GRIP1: variants seen among roughly 807,000 people sequenced by gnomAD.
GRIP1 encodes glutamate receptor interacting protein 1, also known as glutamate receptor-interacting protein 1.
Under a neutral mutation model 129.9 loss-of-function variants are expected in GRIP1, and 45 were observed. The observed-to-expected ratio is 0.35, with a 90% CI of 0.27 to 0.44. The LOEUF is 0.44. GRIP1 is among the 20% of genes least tolerant of loss of function. The probability of loss-of-function intolerance (pLI) is 1.00; values close to 1 mark genes in which losing one functional copy is unlikely to be tolerated. For synonymous variants in GRIP1, 530 were observed against 520.8 expected, an observed-to-expected ratio of 1.02 and a Z score of -0.24; for missense variants, 1,196 against 1,396.8, an observed-to-expected ratio of 0.86 and a Z score of 2.29.
At chr12:66,520,134 G>A (rs1200618054) in intron 5 of GRIP1, among the ~76,000 whole-genome samples, 4 of 152,140 alleles carry the variant, frequency 2.6e-5, no homozygotes, top group African/African-American at 9.7e-5. Context: ...AAACAGATAT[G>A]CTCCATCTGC....
intron 1 of GRIP1, among the ~76,000 whole-genome samples, chr12:67,042,643 A>G (rs2043197193): frequency 6.6e-6 from 1 of 152,184 alleles, no homozygotes; most frequent in Non-Finnish European, 1.5e-5. Flanking sequence ...TAATCTGCAG[A>G]AACAAAGCTC....
chr12:66,931,042 C>G (rs1393180630), intron 1 of GRIP1, among the ~76,000 whole-genome samples: 1 of 152,224 alleles, frequency 6.6e-6, no homozygotes, highest in Non-Finnish European at 1.5e-5. Flanking sequence ...TAGCTCTACA[C>G]TTTGTTCTGC....
chr12:66,706,539 T>C (rs1312232725), intron 1 of GRIP1, among the ~76,000 whole-genome samples: 2 of 152,112 alleles, frequency 1.3e-5, no homozygotes, highest in Admixed American at 1.3e-4. Flanking sequence ...GGAATATAAA[T>C]CATTCTACCA....
rs572772608 is a variant in GRIP1, at chr12:66,884,831, T to A, written c.58+184219A>T. Among the ~76,000 whole-genome samples, 37 of 152,292 alleles carry A rather than the reference T, an allele frequency of 2.4e-4. No homozygotes were observed. The East Asian group carries it at 6.8e-3, about 28-fold the overall frequency. ...AAATGCCATCTAAAATATATATAAT[T>A]CCTGGCAATTTTGTCTCAAAATTCT... On this transcript the variant is annotated intron_variant, in intron 1 of 1. Coordinates refer to the GRIP1 transcript ENST00000643019.
intron 5 of GRIP1, among the ~76,000 whole-genome samples, chr12:66,522,722 A>G (rs2092441048): frequency 6.6e-6 from 1 of 152,212 alleles, no homozygotes; most frequent in African/African-American, 2.4e-5. Flanking sequence ...CAGACGATCA[A>G]ACTACTCTGA....
chr12:66,790,927 G>A lies in GRIP1; in HGVS notation c.-420+13126C>T, dbSNP rs1306537353. On this transcript the variant is annotated intron_variant, in intron 1 of 4. Transcript: ENST00000538373. ...GAGGAAGGAGAAGGTATCAAAGAGA[G>A]GCTGGAGGACTGGAAAGAAGATGGG... Among the ~76,000 whole-genome samples, 4 of 152,250 alleles carry A rather than the reference G, an allele frequency of 2.6e-5. No homozygotes were observed. The East Asian group carries it at 7.7e-4, about 29-fold the overall frequency.
chr12:66,636,558 G>C (rs575622557), intron 1 of GRIP1, among the ~76,000 whole-genome samples: 1 of 152,186 alleles, frequency 6.6e-6, no homozygotes, highest in South Asian at 2.1e-4. Flanking sequence ...TTCATATGTT[G>C]AACCCTAACC....
intron 1 of GRIP1, among the ~76,000 whole-genome samples, chr12:66,918,151 G>A (rs1201219814): frequency 6.6e-6 from 1 of 151,934 alleles, no homozygotes; most frequent in East Asian, 1.9e-4. Flanking sequence ...TACAGTTTGA[G>A]TCCAAAAGCC....
intron 1 of GRIP1, among the ~76,000 whole-genome samples, chr12:67,046,652 A>C (rs1336261676): frequency 2.0e-5 from 3 of 152,190 alleles, no homozygotes; most frequent in Admixed American, 6.5e-5. Context: ...ATTCAAACCT[A>C]TTTTCAAGCA....
intron 1 of GRIP1, among the ~76,000 whole-genome samples, chr12:66,749,097 A>G (rs2136604478): frequency 6.6e-6 from 1 of 151,792 alleles, no homozygotes; most frequent in East Asian, 1.9e-4. Flanking sequence ...TTCCCATTCT[A>G]CTCTTCTTTT....
At chr12:66,571,406 G>C (rs752953394) in intron 2 of GRIP1, among the ~76,000 whole-genome samples, 1 of 152,054 alleles carries the variant, frequency 6.6e-6, no homozygotes. Flanking sequence ...AGTGATATAT[G>C]CACATATAAG....
At chr12:66,951,193 T>C (rs972633262) in intron 1 of GRIP1, among the ~76,000 whole-genome samples, 1 of 152,234 alleles carries the variant, frequency 6.6e-6, no homozygotes, top group Non-Finnish European at 1.5e-5. Context: ...TAATGAAGAC[T>C]CAACTATATT....
At chr12:66,586,163 T>C (rs2063625526) in intron 2 of GRIP1, among the ~76,000 whole-genome samples, 1 of 152,196 alleles carries the variant, frequency 6.6e-6, no homozygotes, top group Admixed American at 6.5e-5. Context: ...AGTCCTATTC[T>C]CACCTCCACC....
intron 1 of GRIP1, among the ~76,000 whole-genome samples, chr12:67,015,243 A>C (rs2135726654): frequency 6.6e-6 from 1 of 152,318 alleles, no homozygotes; most frequent in Non-Finnish European, 1.5e-5. Flanking sequence ...CCCAGAGGTC[A>C]TATGAACCAT....
At chr12:66,724,931 C>A (rs1229434288) in intron 1 of GRIP1, among the ~76,000 whole-genome samples, 1 of 152,152 alleles carries the variant, frequency 6.6e-6, no homozygotes, top group Non-Finnish European at 1.5e-5. Context: ...CACTTGGACA[C>A]CCAAATGAAA....
At chr12:66,875,519 T>C (rs1489301478) in intron 1 of GRIP1, among the ~76,000 whole-genome samples, 1 of 152,042 alleles carries the variant, frequency 6.6e-6, no homozygotes, top group Non-Finnish European at 1.5e-5. Flanking sequence ...ACATCCACCA[T>C]AAAAATAAAG....
At chr12:66,896,964 G>C (rs2040760442) in intron 1 of GRIP1, among the ~76,000 whole-genome samples, 1 of 152,216 alleles carries the variant, frequency 6.6e-6, no homozygotes, top group African/African-American at 2.4e-5. Flanking sequence ...AAGCTGCTCT[G>C]AGAGGCAGTG....
chr12:67,023,891 C>A (rs1475733848), intron 1 of GRIP1, among the ~76,000 whole-genome samples: 2 of 152,090 alleles, frequency 1.3e-5, no homozygotes, highest in East Asian at 3.9e-4. Context: ...TTTATATTTT[C>A]TCTTCTTTTT....
chr12:66,950,674 C>A (rs191800166), intron 1 of GRIP1, among the ~76,000 whole-genome samples: 1 of 151,632 alleles, frequency 6.6e-6, no homozygotes, highest in African/African-American at 2.4e-5. Context: ...TGTGTGTGTG[C>A]GTGTGTCTGT....
Sources: allele counts gnomAD v4.1 joint callset (sites outside exome capture counted in the v4.1 genomes callset), GRCh38; gene constraint gnomAD v4.1.1; transcripts MANE v1.5; gene names NCBI Gene and HGNC (gene_info 2026-07-23, HGNC 2026-07-21).